Variants in RAVER2 observed in about 807,000 individuals in gnomAD.
RAVER2 encodes ribonucleoprotein PTB-binding 2.
A neutral mutation model predicts 78.1 loss-of-function variants in RAVER2; 46 were observed. The ratio of observed to expected loss-of-function variants is 0.59; its 90% CI spans 0.46 to 0.75. RAVER2 has a LOEUF of 0.75. Ranked by LOEUF, RAVER2 falls within the 30% of genes least tolerant of loss-of-function variation. The pLI is 0.00. For missense variants in RAVER2, 793 were observed against 837.5 expected (o/e 0.95, Z 0.66); for synonymous variants, 311 against 313.3 (o/e 0.99, Z 0.08).
intron 11 of RAVER2, among the ~76,000 whole-genome samples, chr1:64,823,245 G>A (rs1653929590): frequency 1.3e-5 from 2 of 152,140 alleles, no homozygotes; most frequent in South Asian, 4.1e-4. Context: ...TTAGTTATGA[G>A]CAAACAGATC....
At chr1:64,760,192 A>G (rs1651983629) in intron 1 of RAVER2, among the ~76,000 whole-genome samples, 1 of 151,892 alleles carries the variant, frequency 6.6e-6, no homozygotes, top group African/African-American at 2.4e-5. Context: ...GCCACAGCCT[A>G]AGTCACATGC....
chr1:64,811,271 C>T (rs1232253520), intron 9 of RAVER2, among the ~76,000 whole-genome samples: 2 of 152,202 alleles, frequency 1.3e-5, no homozygotes. Context: ...AGAGGATCCA[C>T]TTAAAATGCT....
At chr1:64,749,523 G>T (rs114725529) in intron 1 of RAVER2, among the ~76,000 whole-genome samples, 111 of 152,204 alleles carry the variant, frequency 7.3e-4, no homozygotes, top group African/African-American at 2.5e-3. Context: ...TCCTGCATTG[G>T]ATTCTATTCC....
At chr1:64,812,496 GAGA>G (rs1212124797) in intron 9 of RAVER2, among the ~76,000 whole-genome samples, 1 of 151,922 alleles carries the variant, frequency 6.6e-6, no homozygotes, top group Non-Finnish European at 1.5e-5. Flanking sequence ...TGGTTCAAAT[GAGA>G]AGGTTGTATA....
At chr1:64,829,721 G>A (rs1339003119) in intron 11 of RAVER2, among the ~76,000 whole-genome samples, 2 of 152,190 alleles carry the variant, frequency 1.3e-5, no homozygotes, top group East Asian at 3.9e-4. Flanking sequence ...TTTACTACCA[G>A]GAAAAAAATG....
chr1:64,779,454 A>G (rs184786023), intron 3 of RAVER2, among the ~76,000 whole-genome samples: 4 of 151,796 alleles, frequency 2.6e-5, no homozygotes, highest in Non-Finnish European at 5.9e-5. Context: ...CAGTAGTCCC[A>G]CACTCCTAGG....
intron 3 of RAVER2, 36 bp downstream of exon 3, chr1:64,778,128 A>G: frequency 2.1e-6 from 3 of 1,417,346 alleles, no homozygotes; most frequent in Non-Finnish European, 2.9e-6. Flanking sequence ...AATATTTTAA[A>G]ATATATACAT....
chr1:64,774,855 G>C (rs1165726229), intron 2 of RAVER2, among the ~76,000 whole-genome samples: 1 of 152,152 alleles, frequency 6.6e-6, no homozygotes, highest in Admixed American at 6.5e-5. Flanking sequence ...ATTTCATTGA[G>C]CAGTGGTTTG....
At chr1:64,748,566 G>A (rs954507321) in intron 1 of RAVER2, among the ~76,000 whole-genome samples, 1 of 152,166 alleles carries the variant, frequency 6.6e-6, no homozygotes, top group Non-Finnish European at 1.5e-5. Context: ...TTGAAGTTTT[G>A]TGTTCTGTCT....
chr1:64,820,109 A>G (rs1653849855), intron 11 of RAVER2, among the ~76,000 whole-genome samples: 1 of 152,234 alleles, frequency 6.6e-6, no homozygotes, highest in African/African-American at 2.4e-5. Context: ...AATATTTTAC[A>G]TGAAGTACAT....
chr1:64,826,518 C>A (rs1233939255), intron 11 of RAVER2, among the ~76,000 whole-genome samples: 1 of 152,084 alleles, frequency 6.6e-6, no homozygotes, highest in Non-Finnish European at 1.5e-5. Context: ...ACCTTTAGGG[C>A]AGAAGAAGAG....
intron 5 of RAVER2, among the ~76,000 whole-genome samples, chr1:64,795,684 C>G (rs1255471420): frequency 6.6e-6 from 1 of 152,026 alleles, no homozygotes; most frequent in African/African-American, 2.4e-5. Flanking sequence ...GCTAAACTCA[C>G]TTATTATTTC....
At chr1:64,775,479 G>A (rs542021871) in intron 2 of RAVER2, among the ~76,000 whole-genome samples, 87 of 152,276 alleles carry the variant, frequency 5.7e-4, no homozygotes, top group Middle Eastern at 3.4e-3. Flanking sequence ...CACATGATAC[G>A]GAATACATGG....
chr1:64,788,837 T>C (rs944242681), intron 4 of RAVER2, among the ~76,000 whole-genome samples: 4 of 151,756 alleles, frequency 2.6e-5, no homozygotes, highest in Non-Finnish European at 4.4e-5. Flanking sequence ...GCAACCCACA[T>C]TGTTAAACTT....
At chr1:64,798,062 A>G (rs1309782549) in intron 5 of RAVER2, among the ~76,000 whole-genome samples, 2 of 128,946 alleles carry the variant, frequency 1.6e-5, no homozygotes, top group Non-Finnish European at 3.3e-5. Flanking sequence ...TCCCAATGCT[A>G]TCCCTCCCCC....
chr1:64,817,998 T>G (rs557881056), intron 11 of RAVER2, among the ~76,000 whole-genome samples: 1 of 152,308 alleles, frequency 6.6e-6, no homozygotes, highest in East Asian at 1.9e-4. Flanking sequence ...GGTAAGTGAT[T>G]TCTTGATTTC....
intron 11 of RAVER2, among the ~76,000 whole-genome samples, chr1:64,824,113 T>C (rs1653951963): frequency 6.6e-6 from 1 of 152,136 alleles, no homozygotes; most frequent in Non-Finnish European, 1.5e-5. Flanking sequence ...GGCCTGATTT[T>C]TGTTTTTCAT....
intron 9 of RAVER2, among the ~76,000 whole-genome samples, chr1:64,811,672 A>G (rs1240213792): frequency 2.6e-5 from 4 of 152,218 alleles, no homozygotes; most frequent in African/African-American, 9.7e-5. Flanking sequence ...TATTGTAAAA[A>G]TACAGTATAT....
chr1:64,774,051 G>A (rs988637226), intron 2 of RAVER2, among the ~76,000 whole-genome samples: 6 of 152,060 alleles, frequency 3.9e-5, no homozygotes, highest in Non-Finnish European at 8.8e-5. Flanking sequence ...AAATTTGTTT[G>A]AGTTTTTTGT....
Sources: allele counts gnomAD v4.1 joint callset (sites outside exome capture counted in the v4.1 genomes callset), GRCh38; gene constraint gnomAD v4.1.1; transcripts MANE v1.5; gene names NCBI Gene and HGNC (gene_info 2026-07-23, HGNC 2026-07-21).